Variants in MYZAP observed in about 807,000 individuals in gnomAD.
MYZAP encodes myocardial zonula adherens protein.
In MYZAP, 66 loss-of-function variants were observed where a neutral mutation model predicts 69.4. The observed-to-expected ratio is 0.95, with a 90% CI of 0.78 to 1.17. The LOEUF (loss-of-function observed/expected upper bound fraction) is 1.17. Ranked by LOEUF, MYZAP falls within the 50% of genes most tolerant of loss-of-function variation. The pLI is 0.00. For missense variants in MYZAP, 611 were observed against 556.2 expected (o/e 1.10, Z -0.99); for synonymous variants, 256 against 205.9 (o/e 1.24, Z -2.09).
At chr15:57,660,870 C>G (rs556837990) in intron 10 of MYZAP, among the ~76,000 whole-genome samples, 1 of 152,106 alleles carries the variant, frequency 6.6e-6, no homozygotes, top group African/African-American at 2.4e-5. Context: ...TTTTAGGAAG[C>G]CTTTCTTGCT....
chr15:57,661,631 C>A, intron 11 of MYZAP, 98 bp downstream of exon 11: 1 of 1,072,624 alleles, frequency 9.3e-7, no homozygotes, highest in Admixed American at 3.0e-5. Flanking sequence ...ATGGCTATTT[C>A]CCGGCCTTAT....
chr15:57,677,538 C>A (rs2039203189), intron 12 of MYZAP, among the ~76,000 whole-genome samples: 1 of 152,160 alleles, frequency 6.6e-6, no homozygotes, highest in African/African-American at 2.4e-5. Context: ...TAACAAAATT[C>A]CTGGTTCATA....
At chr15:57,598,374 C>A (rs906264754) in intron 1 of MYZAP, among the ~76,000 whole-genome samples, 2 of 152,220 alleles carry the variant, frequency 1.3e-5, no homozygotes, top group African/African-American at 4.8e-5. Flanking sequence ...GTGCAAGGCA[C>A]TCCAGGGAGT....
At chr15:57,646,811 G>C in intron 10 of MYZAP, 1 of 985,410 alleles carries the variant, frequency 1.0e-6, no homozygotes, top group South Asian at 4.7e-5. Flanking sequence ...TGCCTGAATT[G>C]GTTCAACCAA....
intron 10 of MYZAP, among the ~76,000 whole-genome samples, chr15:57,650,386 CAT>C (rs1243790970): frequency 7.2e-5 from 11 of 152,292 alleles, no homozygotes; most frequent in African/African-American, 2.6e-4. Flanking sequence ...CAAAAATGGA[CAT>C]GAGTTCCTGC....
At chr15:57,594,307 G>A (rs941322716) in intron 1 of MYZAP, among the ~76,000 whole-genome samples, 2 of 152,092 alleles carry the variant, frequency 1.3e-5, no homozygotes, top group African/African-American at 4.8e-5. Context: ...GTGGAGACAG[G>A]GTTTTGTCAT....
Position 57,629,781 on chromosome 15 carries a change from C to G in MYZAP, c.605C>G (p.Ser202Cys), listed in dbSNP as rs755755953. ...AATCTGCAGCAGACGTATGAAGCAT[C>G]CATGGACAAGCTGAGGGAAAAGCAG... ...IRNLQQTYEA[S>C]MDKLREKQRQ... Residue 202 changes from serine to cysteine, a missense_variant, in exon 6 of 13, where the codon TCC becomes TGC. Physicochemically the swap from Ser to Cys is moderately radical, Grantham distance 112. Transcript: ENST00000267853. 1 of 1,614,010 alleles carries G rather than the reference C, an allele frequency of 6.2e-7. No individual in the cohort carries two copies.
intron 2 of MYZAP, 79 bp downstream of exon 2, chr15:57,604,434 C>A: frequency 6.6e-7 from 1 of 1,512,802 alleles, no homozygotes; most frequent in Non-Finnish European, 9.1e-7. Context: ...CCTAACCAGG[C>A]CATTCCCAGA....
chr15:57,682,850 G>A (rs544431767), intron 12 of MYZAP, among the ~76,000 whole-genome samples: 4 of 152,126 alleles, frequency 2.6e-5, no homozygotes, highest in South Asian at 2.1e-4. Flanking sequence ...TCCCATCCCC[G>A]CTTTGCCCGC....
intron 11 of MYZAP, among the ~76,000 whole-genome samples, chr15:57,668,894 A>ATATATTTTTTTTTT (rs1252525814): frequency 1.6e-5 from 1 of 62,606 alleles, no homozygotes; most frequent in African/African-American, 3.9e-5. Context: ...ATATATATAT[A>ATATATTTTTTTTTT]TTTTTTTTTT....
intron 4 of MYZAP, among the ~76,000 whole-genome samples, chr15:57,624,176 A>G (rs138713006): frequency 0.015 from 2,251 of 152,358 alleles, 30 homozygotes; most frequent in South Asian, 0.045. Context: ...TAATGCTTGT[A>G]GACATTTAAA....
At chr15:57,674,326 C>G (rs2039013049) in intron 11 of MYZAP, among the ~76,000 whole-genome samples, 1 of 152,108 alleles carries the variant, frequency 6.6e-6, no homozygotes, top group South Asian at 2.1e-4. Flanking sequence ...ATGTTTGGCT[C>G]TGGCCCGAAA....
chr15:57,632,720 C>A (rs1267157421), intron 7 of MYZAP, among the ~76,000 whole-genome samples, 161 bp downstream of exon 7: 1 of 152,172 alleles, frequency 6.6e-6, no homozygotes, highest in Admixed American at 6.5e-5. Flanking sequence ...ACTCCCCTCC[C>A]CTCTTCCCCT....
chr15:57,625,560 G>C (rs1158026343), intron 4 of MYZAP, among the ~76,000 whole-genome samples: 1 of 152,220 alleles, frequency 6.6e-6, no homozygotes, highest in Non-Finnish European at 1.5e-5. Flanking sequence ...GTGTTGTTGA[G>C]AGGGCTAAAT....
intron 12 of MYZAP, 115 bp from the exon 13 acceptor site, chr15:57,684,287 G>T: frequency 1.4e-6 from 1 of 700,908 alleles, no homozygotes. Context: ...CTGCATTATT[G>T]TCTTTTTATT....
Position 57,632,131 on chromosome 15 carries a change from A to G in MYZAP, c.679-303A>G, listed in dbSNP as rs74336515. Among the ~76,000 whole-genome samples the G allele has an allele frequency of 2.0e-3, 306 of 152,346 alleles. 6 individuals are homozygous for G. The East Asian group carries it at 0.051, about 26-fold the overall frequency. On this transcript the variant is annotated intron_variant, in intron 6 of 12. Transcript: ENST00000267853. ...TCTTACCTAGAAACTGGCTTGGCCA[A>G]TGCAACTGATGAGATTGCGTAGAGA...
At position 57,592,019 on chromosome 15, in the gene MYZAP, C is replaced by A. The variant is rs769052776; in HGVS notation, c.-16C>A. ...GGAACGCCGGCGTCCAGCCCGCTAC[C>A]GACCGCCGCTGCGGGATGCTGCGCT... On this transcript the variant is annotated 5_prime_UTR_variant, in exon 1 of 13. Coordinates refer to ENST00000267853, the MANE Select transcript of MYZAP (RefSeq NM_001018100.5). 6.3e-6 allele frequency: 9 copies of A among 1,431,688 alleles called. No individual in the cohort carries two copies. In the South Asian group the frequency reaches 1.3e-4, roughly 20 times the overall value. 88.7% of individuals were successfully genotyped at this position (1,431,688 alleles called of 1,614,324 possible). A position where few individuals can be genotyped will look rare whatever the true frequency, so the allele number is the denominator to read the frequency against.
At position 57,624,503 on chromosome 15, in the gene MYZAP, A is replaced by G. The variant is rs567572748; in HGVS notation, c.412-1276A>G. ...ATCTACCCAGCCCATTCCCACTGGC[A>G]TGTGGGAGGACATTTGTGAAATTCT... On this transcript the variant is annotated intron_variant, in intron 4 of 12. Transcript: ENST00000267853. 3.9e-4 allele frequency among the ~76,000 whole-genome samples: 60 copies of G among 152,326 alleles called. No homozygotes were observed. In the South Asian group the frequency reaches 0.012, roughly 30 times the overall value.
At chr15:57,623,594 A>C (rs2035947789) in intron 4 of MYZAP, among the ~76,000 whole-genome samples, 1 of 152,012 alleles carries the variant, frequency 6.6e-6, no homozygotes, top group African/African-American at 2.4e-5. Flanking sequence ...TTAGCCGGGC[A>C]TGGTGGTGCA....
Sources: allele counts gnomAD v4.1 joint callset (sites outside exome capture counted in the v4.1 genomes callset), GRCh38; gene constraint gnomAD v4.1.1; transcripts MANE v1.5; gene names NCBI Gene and HGNC (gene_info 2026-07-23, HGNC 2026-07-21).